The following AOX1 variants were observed in gnomAD, a reference collection of about 807,000 sequenced individuals.
AOX1 encodes the protein aldehyde oxidase.
A neutral mutation model predicts 169.5 loss-of-function variants in AOX1; 153 were observed. That is an observed-to-expected ratio of 0.90 (90% CI 0.79 to 1.03). The LOEUF (loss-of-function observed/expected upper bound fraction) is 1.03. Among genes scored for constraint, AOX1 ranks in the 50% least tolerant of loss-of-function variants. AOX1 has a pLI of 0.00. For synonymous variants in AOX1, 562 were observed against 581.9 expected (o/e 0.97, Z 0.49); for missense variants, 1,656 against 1,663.9 (o/e 1.00, Z 0.08).
chr2:200,602,349 A>C lies in AOX1; in HGVS notation c.498+4A>C. On this transcript the variant is annotated splice_donor_region_variant and intron_variant, in intron 6 of 34. Coordinates refer to ENST00000374700, the MANE Select transcript of AOX1 (RefSeq NM_001159.4). The stretch of plus-strand genomic sequence containing the variant: ...TGCATGCAAGACTTTCTGTAAAGTA[A>C]GTGGAAAGGACCACATGTTTGAGTA... The C allele has an allele frequency of 6.2e-7, 1 of 1,613,052 alleles. No homozygotes were observed.
chr2:200,621,570 C>T (rs1410029246), intron 18 of AOX1, among the ~76,000 whole-genome samples: 1 of 151,958 alleles, frequency 6.6e-6, no homozygotes, highest in Middle Eastern at 3.4e-3. Context: ...CTGAGAAGCC[C>T]TTATTATTGT....
intron 19 of AOX1, among the ~76,000 whole-genome samples, chr2:200,624,356 T>A (rs2034957693): frequency 6.6e-6 from 1 of 152,168 alleles, no homozygotes; most frequent in South Asian, 2.1e-4. Context: ...AATTAATGAC[T>A]GGCAGAGGAA....
chr2:200,616,379 A>G (rs1271890216), intron 16 of AOX1, among the ~76,000 whole-genome samples: 1 of 152,268 alleles, frequency 6.6e-6, no homozygotes, highest in Non-Finnish European at 1.5e-5. Context: ...TGGGCACTGC[A>G]GGCATCAGAG....
chr2:200,661,703 G>T, intron 30 of AOX1, 72 bp downstream of exon 30: 1 of 1,235,414 alleles, frequency 8.1e-7, no homozygotes, highest in Admixed American at 1.9e-5. Flanking sequence ...CAGTTCCCTT[G>T]CAATTTTGGC....
chr2:200,627,545 G>T lies in AOX1; in HGVS notation c.2221+96G>T, dbSNP rs993179855. The stretch of plus-strand genomic sequence containing the variant: ...TTCTGGAAATCATCGGGCAGCCTAG[G>T]GGGGTGTTGCTCCTCAGGAACAGGC... On this transcript the variant is annotated intron_variant, in intron 20 of 34. Coordinates refer to ENST00000374700, the MANE Select transcript of AOX1 (RefSeq NM_001159.4). The T allele has an allele frequency of 8.2e-6, 7 of 852,230 alleles. No individual in the cohort carries two copies. In the South Asian group the frequency reaches 9.3e-5, roughly 11 times the overall value. 52.8% of individuals were successfully genotyped at this position (852,230 alleles called of 1,614,324 possible).
chr2:200,600,834 T>A (rs17448457), intron 5 of AOX1, among the ~76,000 whole-genome samples: 24,152 of 152,006 alleles, frequency 0.16, 2,221 homozygotes, highest in Non-Finnish European at 0.21. Context: ...ACATGGGAAT[T>A]TGTGGGTAAT....
chr2:200,614,577 C>T (rs1442859965), intron 15 of AOX1, among the ~76,000 whole-genome samples: 2 of 152,098 alleles, frequency 1.3e-5, no homozygotes, highest in Non-Finnish European at 2.9e-5. Flanking sequence ...GAGGACACAA[C>T]TAAAAAAAAT....
chr2:200,606,405 A>C (rs1323380084), intron 10 of AOX1, among the ~76,000 whole-genome samples: 1 of 152,206 alleles, frequency 6.6e-6, no homozygotes, highest in African/African-American at 2.4e-5. Context: ...TATAGTTTGA[A>C]GTCAGATAGT....
In AOX1 at chr2:200,650,983, A is replaced by T; in HGVS notation, c.2857A>T (p.Ile953Leu). The T allele has an allele frequency of 6.2e-7, 1 of 1,614,184 alleles. No homozygotes were observed. The highest frequency in any genetic ancestry group is 2.2e-5 in the East Asian group (1 of 44,874). ...TCCTTTTCTTTCATAGGTGCGAATC[A>T]TAAACATGTACAAGGAAATTGATCA... ...CGLSPEKVRI[I>L]NMYKEIDQTP... Residue 953 changes from isoleucine to leucine, a missense_variant, in exon 26 of 35, where the codon ATA (isoleucine) becomes TTA (leucine). Ile to Leu is a conservative substitution (Grantham distance 5, BLOSUM62 2). Transcript: ENST00000374700.
Position 200,659,165 on chromosome 2 carries a change from G to A in AOX1, c.3172G>A (p.Val1058Met), listed in dbSNP as rs767726036. 1 of 1,613,568 alleles carries A rather than the reference G, an allele frequency of 6.2e-7. No individual in the cohort carries two copies. The highest frequency in any genetic ancestry group is 2.2e-5 in the East Asian group (1 of 44,868). Reference sequence around the variant, plus strand: ...AAGGAAACTCTCTCTTAAAATTCAGGTGGTCAGCCGTGAATTAAGAATGCC... The same window carrying A: ...AAGGAAACTCTCTCTTAAAATTCAGATGGTCAGCCGTGAATTAAGAATGCC... Reference protein sequence around the residue: ...GQGVHTKMIQVVSRELRMPMS... With the variant: ...GQGVHTKMIQMVSRELRMPMS... Residue 1058 changes from valine to methionine, a missense_variant and splice_region_variant, in exon 28 of 35, where the codon GTG becomes ATG. By Grantham distance (21) the Val-to-Met change is conservative (BLOSUM62 1). Transcript: ENST00000374700.
chr2:200,669,416 T>TGTC lies in AOX1; in HGVS notation c.3799-158_3799-156dup, dbSNP rs553143753. Among the ~76,000 whole-genome samples the TGTC allele has an allele frequency of 3.3e-5, 5 of 151,628 alleles. No individual in the cohort carries two copies. In the South Asian group the frequency reaches 1.0e-3, roughly 32 times the overall value. The stretch of plus-strand genomic sequence containing the variant: ...CTGAGATTGTGTCACTACACTCCAG[T>TGTC]GTCATGCTTGGGCAACAGAGCCAGA... On this transcript the variant is annotated intron_variant, in intron 33 of 34. Transcript: ENST00000374700.
chr2:200,654,671 T>G (rs2035647086), intron 26 of AOX1, among the ~76,000 whole-genome samples: 1 of 152,160 alleles, frequency 6.6e-6, no homozygotes, highest in African/African-American at 2.4e-5. Flanking sequence ...GGCTGAAACA[T>G]TTGGGGAATC....
At chr2:200,665,206 C>T (rs572508431) in intron 31 of AOX1, among the ~76,000 whole-genome samples, 1 of 152,314 alleles carries the variant, frequency 6.6e-6, no homozygotes, top group Non-Finnish European at 1.5e-5. Context: ...GACAGAAGCC[C>T]AGCTTTATAA....
rs192240389 is a variant in AOX1, at chr2:200,611,729, G to A, written c.1263+236G>A. ...GAGATTTTTTTTTTTTTTTGAGATC[G>A]AGTCTCGCTCTTTTGCCCACACTGG... On this transcript the variant is annotated intron_variant, in intron 13 of 34. Coordinates refer to ENST00000374700, the MANE Select transcript of AOX1 (RefSeq NM_001159.4). Among the ~76,000 whole-genome samples the A allele has an allele frequency of 1.1e-3, 159 of 143,172 alleles. 1 individual carries two copies. In the Middle Eastern group the frequency reaches 0.019, roughly 17 times the overall value. The allele number at this position is 143,172 out of a possible 152,430, so 93.9% of individuals were successfully genotyped here. A position where few individuals can be genotyped will look rare whatever the true frequency, so the allele number is the denominator to read the frequency against.
Position 200,586,104 on chromosome 2 carries a change from C to T in AOX1, c.-5C>T, listed in dbSNP as rs778090912. ...CCGGGCCCTCGAACCAGCGCGGACA[C>T]CACAATGGACCGGGCGTCCGAGCTG... On this transcript the variant is annotated 5_prime_UTR_variant, in exon 1 of 35. Transcript: ENST00000374700. The T allele has an allele frequency of 2.6e-6, 4 of 1,557,146 alleles. No individual in the cohort carries two copies. The Admixed American group carries it at 5.7e-5, about 22-fold the overall frequency.
intron 12 of AOX1, among the ~76,000 whole-genome samples, chr2:200,610,825 T>A (rs1176732216): frequency 2.6e-5 from 4 of 152,172 alleles, no homozygotes; most frequent in Non-Finnish European, 5.9e-5. Flanking sequence ...CTGTGAGATC[T>A]TTTCATCTAT....
At chr2:200,632,524 A>G (rs1429299238) in intron 20 of AOX1, among the ~76,000 whole-genome samples, 3 of 152,036 alleles carry the variant, frequency 2.0e-5, no homozygotes, top group Admixed American at 6.6e-5. Context: ...TTTGCTTCAA[A>G]CACAATTTAG....
rs769022441 is a variant in AOX1 at position 200,642,759 on chromosome 2, T to G, written c.2805T>G (p.Cys935Trp). The change falls in exon 25 of 35, where the codon TGT becomes TGG. Residue 935 changes from cysteine (C) to tryptophan (W), a missense_variant. By Grantham distance (215) the Cys-to-Trp change is radical (BLOSUM62 -2). Transcript: ENST00000374700. ...AGGCAGCGCTGATCACCGAATCTTGTATCACGGAAGTTGCAGCCAAATGTG... is the reference window on the plus strand; with the variant it reads ...AGGCAGCGCTGATCACCGAATCTTGGATCACGGAAGTTGCAGCCAAATGTG... ...FPQAALITESCITEVAAKCGL... is the reference protein window; with the variant it reads ...FPQAALITESWITEVAAKCGL... 1.2e-5 allele frequency: 19 copies of G among 1,613,808 alleles called. No homozygotes were observed. The highest frequency in any genetic ancestry group is 1.6e-5 in the Non-Finnish European group (19 of 1,179,906).
chr2:200,642,889 G>T, intron 25 of AOX1, 88 bp downstream of exon 25: 1 of 1,297,808 alleles, frequency 7.7e-7, no homozygotes, highest in Non-Finnish European at 1.1e-6. Flanking sequence ...AGGAATTTGA[G>T]ACCCAGAGGG....
Sources: gnomAD v4.1 joint callset for allele counts (sites outside exome capture counted in the v4.1 genomes callset) on GRCh38, gnomAD v4.1.1 for gene constraint, MANE v1.5 for transcripts, NCBI Gene and HGNC (gene_info 2026-07-23, HGNC 2026-07-21) for gene names.